Variants in SGCD observed in about 807,000 individuals in gnomAD.
SGCD encodes delta-sarcoglycan.
A neutral mutation model predicts 36.6 loss-of-function variants in SGCD; 18 were observed. That is an observed-to-expected ratio of 0.49 (90% CI 0.34 to 0.73). The LOEUF (loss-of-function observed/expected upper bound fraction) is 0.73. SGCD is among the 30% of genes least tolerant of loss of function. The probability of loss-of-function intolerance (pLI) is 0.01; values close to 1 mark genes in which losing one functional copy is unlikely to be tolerated. For missense variants in SGCD, 387 were observed against 346.7 expected (o/e 1.12, Z -0.92); for synonymous variants, 133 against 130.6 (o/e 1.02, Z -0.12).
At chr5:155,818,046 T>A in the SGCD span, among the ~76,000 whole-genome samples, 1 of 152,214 alleles carries the variant, frequency 6.6e-6, no homozygotes, top group Non-Finnish European at 1.5e-5. Context: ...TTTAGTAAAC[T>A]ATAAAACAAC....
intron 1 of SGCD, among the ~76,000 whole-genome samples, chr5:155,965,708 G>A (rs1757887687): frequency 6.6e-6 from 1 of 152,054 alleles, no homozygotes; most frequent in African/African-American, 2.4e-5. Context: ...AGTTGTGCAG[G>A]CTTGCACCAA....
chr5:156,068,119 T>A (rs1760391614), intron 1 of SGCD, among the ~76,000 whole-genome samples: 1 of 145,790 alleles, frequency 6.9e-6, no homozygotes, highest in Non-Finnish European at 1.5e-5. Context: ...TATTTTATTT[T>A]ATTTTATGTT....
At chr5:156,449,023 G>A (rs1054407663) in intron 3 of SGCD, among the ~76,000 whole-genome samples, 2 of 151,892 alleles carry the variant, frequency 1.3e-5, no homozygotes, top group African/African-American at 4.8e-5. Context: ...CAAAGTGCTG[G>A]GATTACACGA....
At chr5:156,131,871 C>T (rs1020988551) in intron 3 of SGCD, among the ~76,000 whole-genome samples, 1 of 152,168 alleles carries the variant, frequency 6.6e-6, no homozygotes, top group African/African-American at 2.4e-5. Context: ...TGAATTCCTC[C>T]GTGCACCTCC....
chr5:156,047,762 A>G (rs1407375129), intron 1 of SGCD, among the ~76,000 whole-genome samples: 1 of 151,986 alleles, frequency 6.6e-6, no homozygotes, highest in African/African-American at 2.4e-5. Flanking sequence ...TTCTGATACA[A>G]CCTTCATTCT....
chr5:155,968,117 T>C (rs1370099475), intron 1 of SGCD, among the ~76,000 whole-genome samples: 1 of 152,128 alleles, frequency 6.6e-6, no homozygotes, highest in African/African-American at 2.4e-5. Flanking sequence ...CTTAAAGTGA[T>C]CATCACTTTC....
intron 1 of SGCD, among the ~76,000 whole-genome samples, chr5:155,982,635 G>A (rs2127562496): frequency 6.6e-6 from 1 of 152,188 alleles, no homozygotes; most frequent in South Asian, 2.1e-4. Flanking sequence ...AATTAATGCT[G>A]TCCATGATAA....
At chr5:156,526,766 CTT>C (rs1278633884) in intron 4 of SGCD, among the ~76,000 whole-genome samples, 1 of 152,116 alleles carries the variant, frequency 6.6e-6, no homozygotes, top group Non-Finnish European at 1.5e-5. Flanking sequence ...GACACATAAA[CTT>C]TGAATAGTTC....
chr5:155,990,607 A>G (rs1758412079), intron 1 of SGCD, among the ~76,000 whole-genome samples: 1 of 152,154 alleles, frequency 6.6e-6, no homozygotes, highest in Non-Finnish European at 1.5e-5. Flanking sequence ...AGTCATATAA[A>G]ATATTTGAAT....
intron 1 of SGCD, among the ~76,000 whole-genome samples, chr5:156,108,230 A>G (rs1228293050): frequency 6.6e-6 from 1 of 152,086 alleles, no homozygotes; most frequent in Non-Finnish European, 1.5e-5. Context: ...ATGTTAATTA[A>G]AAAAATTTAA....
chr5:156,080,475 A>G (rs1760921749), intron 1 of SGCD, among the ~76,000 whole-genome samples: 1 of 152,238 alleles, frequency 6.6e-6, no homozygotes, highest in African/African-American at 2.4e-5. Context: ...CAGATTTTCC[A>G]AACATTTTTT....
chr5:155,729,355 C>G, the SGCD span, among the ~76,000 whole-genome samples: 2 of 152,246 alleles, frequency 1.3e-5, no homozygotes, highest in African/African-American at 2.4e-5. Context: ...AGACCTAGCC[C>G]TTAGGGCAGC....
chr5:156,593,342 C>T lies in SGCD; in HGVS notation c.383-1590C>T, dbSNP rs114394658. ...TGCTTCAATGTAATTTTTCAGAACA[C>T]GCGCACCAGACAAGGCTGTTCAGTG... is the stretch of plus-strand genomic sequence containing the variant. On this transcript the variant is annotated intron_variant, in intron 5 of 8. Coordinates refer to ENST00000337851, the MANE Select transcript of SGCD (RefSeq NM_000337.6). Among the ~76,000 whole-genome samples the T allele has an allele frequency of 2.3e-3, 347 of 152,228 alleles. 2 individuals carry two copies. Among genetic ancestry groups the T allele is most frequent in the African/African-American group, 7.1e-3 (293 of 41,550 alleles).
intron 4 of SGCD, among the ~76,000 whole-genome samples, chr5:156,511,455 T>A (rs532123742): frequency 1.3e-5 from 2 of 152,204 alleles, no homozygotes; most frequent in Non-Finnish European, 2.9e-5. Flanking sequence ...GTCTTCAAAA[T>A]GTCAAATCGC....
chr5:156,260,186 A>G (rs1049495613), intron 3 of SGCD, among the ~76,000 whole-genome samples: 1 of 152,184 alleles, frequency 6.6e-6, no homozygotes, highest in Admixed American at 6.6e-5. Context: ...AAAATAGCAT[A>G]TGTCCTCTAA....
chr5:155,766,730 T>C, the SGCD span, among the ~76,000 whole-genome samples: 1 of 152,162 alleles, frequency 6.6e-6, no homozygotes, highest in Non-Finnish European at 1.5e-5. Flanking sequence ...GATATTATCT[T>C]ACTCACTAGA....
intron 3 of SGCD, among the ~76,000 whole-genome samples, chr5:156,139,454 T>C (rs1435850442): frequency 1.3e-5 from 2 of 152,170 alleles, no homozygotes; most frequent in African/African-American, 4.8e-5. Context: ...GGTAGGCTTG[T>C]TTCTCTGCTT....
intron 4 of SGCD, among the ~76,000 whole-genome samples, chr5:156,564,990 G>A (rs1379619025): frequency 2.6e-5 from 4 of 152,294 alleles, no homozygotes; most frequent in East Asian, 1.9e-4. Flanking sequence ...AAGTCAGAAA[G>A]TCTCTTATTT....
At chr5:155,958,281 G>C (rs1757708046) in intron 1 of SGCD, among the ~76,000 whole-genome samples, 1 of 152,038 alleles carries the variant, frequency 6.6e-6, no homozygotes, top group Non-Finnish European at 1.5e-5. Context: ...GTGTGGTTTA[G>C]GTATATGAAC....
Sources: gnomAD v4.1 joint callset for allele counts (sites outside exome capture counted in the v4.1 genomes callset) on GRCh38, gnomAD v4.1.1 for gene constraint, MANE v1.5 for transcripts, NCBI Gene and HGNC (gene_info 2026-07-23, HGNC 2026-07-21) for gene names.